The following MAPK10 variants were observed in gnomAD, a reference collection of about 807,000 sequenced individuals.
The protein encoded by MAPK10 is JNK3 alpha protein kinase.
MAPK10 carries 25 observed loss-of-function variants against 59.3 expected under a neutral mutation model. That is an observed-to-expected ratio of 0.42 (90% CI 0.31 to 0.59). The LOEUF is 0.59. Ranked by LOEUF, MAPK10 falls within the 20% of genes least tolerant of loss-of-function variation. MAPK10 has a pLI of 0.15. For missense variants in MAPK10, 351 were observed against 568.9 expected (o/e 0.62, Z 3.90); for synonymous variants, 190 against 200.5 (o/e 0.95, Z 0.44).
At chr4:86,335,799 T>C (rs1053073833) in intron 2 of MAPK10, among the ~76,000 whole-genome samples, 3 of 152,106 alleles carry the variant, frequency 2.0e-5, no homozygotes, top group African/African-American at 7.2e-5. Context: ...GCAGGGGAAA[T>C]GCCAGATGCT....
At chr4:86,129,261 A>G (rs1350805423) in intron 4 of MAPK10, among the ~76,000 whole-genome samples, 2 of 152,178 alleles carry the variant, frequency 1.3e-5, no homozygotes, top group African/African-American at 4.8e-5. Flanking sequence ...ATTTTCTCTT[A>G]TTGAAACTTT....
At chr4:86,137,849 G>T (rs1345093959) in intron 4 of MAPK10, among the ~76,000 whole-genome samples, 1 of 149,430 alleles carries the variant, frequency 6.7e-6, no homozygotes, top group Admixed American at 6.6e-5. Flanking sequence ...ATGATAAAGG[G>T]GATATCACCA....
In MAPK10 at chr4:86,357,008, T is replaced by G. The variant is rs1430015698; in HGVS notation, c.-121-2364A>C. 4 of 152,210 alleles carry G rather than the reference T, an allele frequency of 2.6e-5. No individual in the cohort carries two copies. In the East Asian group the frequency reaches 7.7e-4, roughly 29 times the overall value. 9.4% of individuals were successfully genotyped at this position (152,210 alleles called of 1,614,324 possible). On this transcript the variant is annotated intron_variant, in intron 1 of 13. Coordinates refer to ENST00000641462, the MANE Select transcript of MAPK10 (RefSeq NM_138982.4). ...TCACTACTGGACACTTCCGTGCCTC[T>G]TTCTGCATGATTGTTGCAATGTCCA...
At chr4:86,279,137 T>C (rs547056731) in intron 2 of MAPK10, among the ~76,000 whole-genome samples, 1 of 152,288 alleles carries the variant, frequency 6.6e-6, no homozygotes, top group East Asian at 1.9e-4. Context: ...GTAAATTTTA[T>C]GTAAGTCTAA....
At chr4:86,263,268 G>C (rs1180005834) in intron 2 of MAPK10, among the ~76,000 whole-genome samples, 2 of 152,104 alleles carry the variant, frequency 1.3e-5, no homozygotes, top group African/African-American at 4.8e-5. Context: ...CCAAATGTAA[G>C]CATGATGTTT....
chr4:86,280,977 A>C (rs2148797406), intron 2 of MAPK10, among the ~76,000 whole-genome samples: 1 of 152,152 alleles, frequency 6.6e-6, no homozygotes, highest in Non-Finnish European at 1.5e-5. Flanking sequence ...AGGGTTGGAA[A>C]ACCACCTATA....
chr4:86,272,251 G>T (rs1452397059), intron 2 of MAPK10, among the ~76,000 whole-genome samples: 2 of 151,950 alleles, frequency 1.3e-5, no homozygotes, highest in African/African-American at 2.4e-5. Flanking sequence ...ATTCTGTATT[G>T]TGTGTACCTT....
intron 11 of MAPK10, among the ~76,000 whole-genome samples, chr4:86,042,329 T>G (rs114600727): frequency 6.6e-6 from 1 of 151,972 alleles, no homozygotes. Flanking sequence ...GTCAGAGGGT[T>G]GGGGGCAAGG....
chr4:86,359,263 C>CCTCTCTCT (rs367595812), intron 1 of MAPK10, among the ~76,000 whole-genome samples: 5,043 of 53,410 alleles, frequency 0.094, 556 homozygotes, highest in East Asian at 0.27. Context: ...TTTTTTTTTT[C>CCTCTCTCT]CTCTCTCTCT....
At chr4:86,522,307 T>C (rs1031696098) in intron 1 of MAPK10, among the ~76,000 whole-genome samples, 2 of 152,200 alleles carry the variant, frequency 1.3e-5, no homozygotes, top group Non-Finnish European at 2.9e-5. Flanking sequence ...CCCAGACATG[T>C]AAAACATAAT....
In MAPK10 at chr4:86,344,326, C is replaced by T. The variant is rs146410092; in HGVS notation, c.-7+10204G>A. Among the ~76,000 whole-genome samples the T allele has an allele frequency of 1.0e-2, 1,518 of 152,254 alleles. 17 individuals carry two copies. The highest frequency in any genetic ancestry group is 0.035 in the African/African-American group (1,435 of 41,534). On this transcript the variant is annotated intron_variant, in intron 2 of 13. Coordinates refer to ENST00000641462, the MANE Select transcript of MAPK10 (RefSeq NM_138982.4). ...GTAGAGTCAGTGTCTTGCTATATTG[C>T]CCAGGCTGGCCTCAAACTCCTGGGC... is the stretch of plus-strand genomic sequence containing the variant.
intron 2 of MAPK10, among the ~76,000 whole-genome samples, chr4:86,225,697 G>A (rs1418427879): frequency 1.3e-5 from 2 of 152,042 alleles, no homozygotes; most frequent in Non-Finnish European, 2.9e-5. Flanking sequence ...ATCACTTATT[G>A]CTATTTTAAA....
At chr4:86,138,699 G>C (rs941026025) in intron 4 of MAPK10, among the ~76,000 whole-genome samples, 3 of 151,396 alleles carry the variant, frequency 2.0e-5, no homozygotes, top group African/African-American at 4.8e-5. Context: ...AATTAGGCAG[G>C]AGAAGGAAAT....
intron 4 of MAPK10, among the ~76,000 whole-genome samples, chr4:86,154,449 C>A (rs1038076941): frequency 6.6e-6 from 1 of 152,108 alleles, no homozygotes; most frequent in Non-Finnish European, 1.5e-5. Context: ...ATCCCATGCT[C>A]TTAACTGTAA....
At position 86,017,344 on chromosome 4, in the gene MAPK10, G is replaced by A. The variant is rs1278338502; in HGVS notation, c.1279C>T (p.Leu427Phe). 4 of 1,614,166 alleles carry A rather than the reference G, an allele frequency of 2.5e-6. No homozygotes were observed. The South Asian group carries it at 3.3e-5, about 13-fold the overall frequency. ...TCATTGACAGACGAGGATGGAGGGA[G>A]ACTCTCACTGCTGTTCACTGCTGCA... is the stretch of plus-strand genomic sequence containing the variant. ...SGAAVNSSES[L>F]PPSSSVNDIS... Residue 427 changes from leucine (L) to phenylalanine (F), a missense_variant, in exon 14 of 14, where the codon CTC (leucine) becomes TTC (phenylalanine). By Grantham distance (22) the Leu-to-Phe change is conservative (BLOSUM62 0). Transcript: ENST00000641462. The surrounding 1 kb of genome is among the most constrained non-coding windows in gnomAD (Gnocchi z 4.4).
intron 11 of MAPK10, among the ~76,000 whole-genome samples, chr4:86,034,642 T>G (rs1344982343): frequency 6.6e-6 from 1 of 152,124 alleles, no homozygotes; most frequent in African/African-American, 2.4e-5. Context: ...AGTTCACAAT[T>G]TACTGGGGTA....
At chr4:86,518,929 G>T (rs372529955) in intron 1 of MAPK10, among the ~76,000 whole-genome samples, 1 of 151,964 alleles carries the variant, frequency 6.6e-6, no homozygotes, top group East Asian at 1.9e-4. Flanking sequence ...AGTTTTGAGG[G>T]TTCCTTTTGG....
intron 2 of MAPK10, among the ~76,000 whole-genome samples, chr4:86,349,289 T>C (rs915175639): frequency 6.6e-6 from 1 of 152,228 alleles, no homozygotes; most frequent in Non-Finnish European, 1.5e-5. Flanking sequence ...TGTAAACTGC[T>C]TTTGTCTCTA....
chr4:86,377,787 A>T (rs1019781612), intron 1 of MAPK10, among the ~76,000 whole-genome samples: 1 of 152,184 alleles, frequency 6.6e-6, no homozygotes, highest in African/African-American at 2.4e-5. Context: ...CTAATGGAAT[A>T]TATATATTAT....
Sources: gnomAD v4.1 joint callset for allele counts (sites outside exome capture counted in the v4.1 genomes callset) on GRCh38, gnomAD v4.1.1 for gene constraint, Gnocchi (gnomAD v3.1) non-coding constraint, MANE v1.5 for transcripts, NCBI Gene and HGNC (gene_info 2026-07-23, HGNC 2026-07-21) for gene names.